RP1: variants seen among roughly 807,000 people sequenced by gnomAD.
RP1 encodes oxygen-regulated protein 1.
RP1 carries 16 observed loss-of-function variants against 14.8 expected under a neutral mutation model. That is an observed-to-expected ratio of 1.08 (90% confidence interval 0.73 to 1.65). The LOEUF (loss-of-function observed/expected upper bound fraction) is 1.65, where lower values mean the gene tolerates loss of function less well. RP1 is among the 40% of genes most tolerant of loss of function. RP1 has a pLI of 0.00. For missense variants in RP1, 2,631 were observed against 2,535.0 expected, an observed-to-expected ratio of 1.04 and a Z score of -0.81; for synonymous variants, 876 against 883.6, an observed-to-expected ratio of 0.99 and a Z score of 0.15.
chr8:54,737,258 A>C (rs1808955808), intron 18 of RP1, among the ~76,000 whole-genome samples: 1 of 152,146 alleles, frequency 6.6e-6, no homozygotes, highest in Non-Finnish European at 1.5e-5. Context: ...GTGGATTGGA[A>C]GGGACAAGCA....
At chr8:54,821,504 A>G (rs369916722) in intron 24 of RP1, among the ~76,000 whole-genome samples, 5 of 152,336 alleles carry the variant, frequency 3.3e-5, no homozygotes, top group East Asian at 3.9e-4. Context: ...CTTACTCTAC[A>G]TAACAGAGGC....
chr8:54,605,761 T>C lies in RP1; in HGVS notation c.-12-15194T>C, dbSNP rs529187609. 8.5e-5 allele frequency among the ~76,000 whole-genome samples: 13 copies of C among 152,362 alleles called. No homozygotes were observed. The East Asian group carries it at 1.7e-3, about 20-fold the overall frequency. On this transcript the variant is annotated intron_variant, in intron 1 of 22. Transcript: ENST00000636932. Reference sequence around the variant, plus strand: ...TTATATATTTAGGATAGTTGGCTCTTCTTGTTGAATTGATCCCTTTACCAT... The same window carrying C: ...TTATATATTTAGGATAGTTGGCTCTCCTTGTTGAATTGATCCCTTTACCAT...
chr8:54,849,649 A>G (rs557545419), intron 25 of RP1, among the ~76,000 whole-genome samples: 1 of 152,230 alleles, frequency 6.6e-6, no homozygotes, highest in Non-Finnish European at 1.5e-5. Flanking sequence ...GCCTACAAAG[A>G]TGTTTGAAAA....
chr8:54,667,941 C>A (rs146094626), intron 7 of RP1, among the ~76,000 whole-genome samples: 1 of 152,116 alleles, frequency 6.6e-6, no homozygotes, highest in Non-Finnish European at 1.5e-5. Flanking sequence ...CCTTCTGAAA[C>A]TATTCCAATC....
intron 15 of RP1, among the ~76,000 whole-genome samples, chr8:54,718,479 T>G (rs1808458697): frequency 6.6e-6 from 1 of 152,194 alleles, no homozygotes; most frequent in South Asian, 2.1e-4. Context: ...GGTAGACTTT[T>G]CAACAAATGG....
Position 54,869,316 on chromosome 8 carries a change from A to G in RP1, c.4152-527A>G, listed in dbSNP as rs182170819. ...ACATTCCAGATTTCAAGAGTGGAGA[A>G]TAAAAAAGAATGTGATACAATTTTT... On this transcript the variant is annotated intron_variant, in intron 28 of 28. Coordinates refer to the RP1 transcript ENST00000637698. 2.2e-3 allele frequency among the ~76,000 whole-genome samples: 334 copies of G among 152,358 alleles called. 1 individual carries two copies. Among genetic ancestry groups the G allele is most frequent in the African/African-American group, 7.5e-3 (311 of 41,588 alleles).
At chr8:54,701,735 T>C in intron 14 of RP1, 2 of 1,340,186 alleles carry the variant, frequency 1.5e-6, no homozygotes. Context: ...AGCAAAAGTC[T>C]TAAATTGAGT....
intron 24 of RP1, among the ~76,000 whole-genome samples, chr8:54,797,390 AT>A (rs1033397246): frequency 1.5e-4 from 23 of 152,178 alleles, no homozygotes; most frequent in African/African-American, 5.5e-4. Flanking sequence ...GGAAATGTGA[AT>A]TTGTTCCAAC....
At chr8:54,824,449 G>A (rs942717193) in intron 24 of RP1, among the ~76,000 whole-genome samples, 9 of 152,188 alleles carry the variant, frequency 5.9e-5, no homozygotes, top group Admixed American at 2.0e-4. Context: ...AGAATCTGTC[G>A]GCCCATAGAT....
At chr8:54,681,039 T>G (rs1399785474) in intron 12 of RP1, among the ~76,000 whole-genome samples, 1 of 152,092 alleles carries the variant, frequency 6.6e-6, no homozygotes, top group Non-Finnish European at 1.5e-5. Flanking sequence ...AAATTATTCT[T>G]TAGACATTTT....
chr8:54,746,991 G>A (rs1280390462), intron 19 of RP1, among the ~76,000 whole-genome samples: 5 of 152,144 alleles, frequency 3.3e-5, no homozygotes, highest in Non-Finnish European at 7.4e-5. Context: ...TTCCTAGATT[G>A]TTTTATTTCC....
intron 1 of RP1, among the ~76,000 whole-genome samples, chr8:54,586,930 C>T (rs62514575): frequency 0.2 from 30,518 of 152,164 alleles, 3,532 homozygotes; most frequent in East Asian, 0.36. Context: ...ATTCCCTGAC[C>T]GCTTGCGCTT....
At chr8:54,824,658 CT>C (rs1219096390) in intron 24 of RP1, among the ~76,000 whole-genome samples, 1 of 152,092 alleles carries the variant, frequency 6.6e-6, no homozygotes, top group African/African-American at 2.4e-5. Context: ...TACAAAAGTC[CT>C]TAACAAAATA....
At chr8:54,615,534 G>T (rs1805694797), upstream of RP1, among the ~76,000 whole-genome samples, 1 of 152,172 alleles carries the variant, frequency 6.6e-6, no homozygotes, top group Non-Finnish European at 1.5e-5. Context: ...GGGAAGCAGT[G>T]GAAGCGTGCT....
Position 54,692,936 on chromosome 8 carries a change from T to C in RP1, c.1718-6531T>C, listed in dbSNP as rs1439214740. ...GTATTGCCTAGGTTTTCTTCTAGGG[T>C]TTTTATGGTTTTAGGTCTAACATTT... On this transcript the variant is annotated intron_variant, in intron 12 of 22. Transcript: ENST00000636932. Among the ~76,000 whole-genome samples the C allele has an allele frequency of 2.6e-5, 4 of 152,166 alleles. No homozygotes were observed. The East Asian group carries it at 7.7e-4, about 29-fold the overall frequency.
At chr8:54,807,686 CTCTA>C (rs1362937349) in intron 24 of RP1, among the ~76,000 whole-genome samples, 4 of 150,816 alleles carry the variant, frequency 2.7e-5, no homozygotes, top group Admixed American at 6.6e-5. Flanking sequence ...ATTTATCTAT[CTCTA>C]TCTATCTATC....
rs564000364 is a variant in RP1 at position 54,656,325 on chromosome 8, A to G, written c.1171+110A>G. 2.8e-4 allele frequency: 315 copies of G among 1,133,112 alleles called. No individual in the cohort carries two copies. The African/African-American group carries it at 4.3e-3, about 15-fold the overall frequency. 70.2% of individuals were successfully genotyped at this position (1,133,112 alleles called of 1,614,324 possible). A position where few individuals can be genotyped will look rare whatever the true frequency, so the allele number is the denominator to read the frequency against. The stretch of plus-strand genomic sequence containing the variant: ...AGTAAATGAATGATTAAGGACTGCC[A>G]GTTTCTTATCACTTACCTCTCTGAT... On this transcript the variant is annotated intron_variant, in intron 6 of 22. Transcript: ENST00000636932.
At chr8:54,748,482 T>G (rs1049066468) in intron 19 of RP1, among the ~76,000 whole-genome samples, 5 of 152,156 alleles carry the variant, frequency 3.3e-5, no homozygotes, top group Non-Finnish European at 7.3e-5. Flanking sequence ...AGTCCCTCAG[T>G]CAGTTGTAAA....
chr8:54,669,577 C>T (rs552329152), intron 7 of RP1, among the ~76,000 whole-genome samples: 5 of 152,066 alleles, frequency 3.3e-5, no homozygotes, highest in Admixed American at 1.3e-4. Flanking sequence ...CACGTGCACA[C>T]GTATGTTTAT....
Sources: gnomAD v4.1 joint callset for allele counts (sites outside exome capture counted in the v4.1 genomes callset) on GRCh38, gnomAD v4.1.1 for gene constraint, MANE v1.5 for transcripts, NCBI Gene and HGNC (gene_info 2026-07-23, HGNC 2026-07-21) for gene names.